FOXN4: variants seen among roughly 807,000 people sequenced by gnomAD.
FOXN4 encodes forkhead box protein N4.
A neutral mutation model predicts 45.0 loss-of-function variants in FOXN4; 12 were observed. The ratio of observed to expected loss-of-function variants is 0.27; its 90% CI spans 0.17 to 0.43. The LOEUF (loss-of-function observed/expected upper bound fraction) is 0.43. Ranked by LOEUF, FOXN4 falls within the 20% of genes least tolerant of loss-of-function variation. The pLI is 1.00. For synonymous variants in FOXN4, 297 were observed against 295.0 expected, an observed-to-expected ratio of 1.01 and a Z score of -0.07; for missense variants, 560 against 694.9, an observed-to-expected ratio of 0.81 and a Z score of 2.18.
At chr12:109,297,794 A>G (rs1300678775) in intron 2 of FOXN4, among the ~76,000 whole-genome samples, 4 of 152,094 alleles carry the variant, frequency 2.6e-5, no homozygotes, top group Non-Finnish European at 5.9e-5. Context: ...TATCTAGAAA[A>G]TCCTCGCAGT....
chr12:109,299,554 C>A (rs2047850418), intron 2 of FOXN4, among the ~76,000 whole-genome samples: 1 of 152,176 alleles, frequency 6.6e-6, no homozygotes, highest in African/African-American at 2.4e-5. Flanking sequence ...TTCAGCACCT[C>A]CCTCCTTAGG....
chr12:109,306,853 C>T (rs1053759647), intron 2 of FOXN4, among the ~76,000 whole-genome samples: 3 of 152,236 alleles, frequency 2.0e-5, no homozygotes, highest in Non-Finnish European at 4.4e-5. Flanking sequence ...CCTTACACTG[C>T]CACTAAATCA....
intron 2 of FOXN4, among the ~76,000 whole-genome samples, chr12:109,293,441 G>C (rs144415815): frequency 6.6e-6 from 1 of 152,162 alleles, no homozygotes; most frequent in Non-Finnish European, 1.5e-5. Context: ...CTGCCTTCTG[G>C]CTCATTGAGT....
intron 2 of FOXN4, among the ~76,000 whole-genome samples, chr12:109,294,726 C>T (rs1252718264): frequency 6.6e-6 from 1 of 152,034 alleles, no homozygotes; most frequent in African/African-American, 2.4e-5. Context: ...GGTCCAGGGG[C>T]TGATGCACTA....
chr12:109,306,041 C>T (rs559656251), intron 2 of FOXN4, among the ~76,000 whole-genome samples: 6 of 152,268 alleles, frequency 3.9e-5, no homozygotes, highest in Admixed American at 1.3e-4. Flanking sequence ...AAGGTCAAGA[C>T]TCCGGGGCTG....
At chr12:109,285,248 T>C in intron 8 of FOXN4, 56 bp downstream of exon 8, 1 of 1,219,240 alleles carries the variant, frequency 8.2e-7, no homozygotes, top group Non-Finnish European at 1.1e-6. Flanking sequence ...CTCTTCCGTG[T>C]GTGTGTGTGT....
At chr12:109,293,043 A>T (rs1022846480) in intron 2 of FOXN4, among the ~76,000 whole-genome samples, 1 of 151,266 alleles carries the variant, frequency 6.6e-6, no homozygotes. Flanking sequence ...GCTCACCTCC[A>T]CGCCTTTGCA....
At position 109,290,213 on chromosome 12, in the gene FOXN4, C is replaced by T. The variant is rs750024822; in HGVS notation, c.160G>A (p.Val54Met). The change falls in exon 3 of 10, where the codon GTG (valine) becomes ATG (methionine). Residue 54 changes from valine (V) to methionine (M), a missense_variant. Val to Met is a conservative substitution (Grantham distance 21). This residue lies in a region of FOXN4 where 142 missense variants were observed against 185.7 expected (regional missense o/e 0.76). Transcript: ENST00000299162. The surrounding 1 kb of genome is among the most constrained non-coding windows in gnomAD (Gnocchi z 5.1). ...CTTGCCATCTGCTGCAGCCGAGGCA[C>T]ATCCACCGCCGTGAGCCACGACAGC... ...QSLSWLTAVD[V>M]PRLQQMASGR... 7.1e-6 allele frequency: 11 copies of T among 1,551,320 alleles called. No homozygotes were observed. The Admixed American group carries it at 1.2e-4, about 17-fold the overall frequency.
intron 8 of FOXN4, among the ~76,000 whole-genome samples, chr12:109,282,467 G>C (rs2047662064): frequency 6.6e-6 from 1 of 151,972 alleles, no homozygotes; most frequent in South Asian, 2.1e-4. Context: ...AATGTCATCA[G>C]ATAATAACAC....
In FOXN4 at chr12:109,290,152, TG is replaced by T. The variant is rs926503116; in HGVS notation, c.220del (p.His74IlefsTer40). On this transcript the variant is annotated frameshift_variant, in exon 3 of 10. Transcript: ENST00000299162. LOFTEE classifies it high-confidence loss of function. This position sits in a 1 kb window ranked among gnomAD's most constrained non-coding sequence, Gnocchi z 5.1. ...GTCCCTGAGCCTACCTGGGTGTGGA[TG>T]TGGCACGCAGGGGCCACCCAGGTCC... is the stretch of plus-strand genomic sequence containing the variant. Reference protein sequence around the residue: ...RVDLGGPCVPHPHPGALAGVA... With the variant: ...RVDLGGPCVPXPHPGALAGVA... 6.5e-7 allele frequency: 1 copy of T among 1,548,286 alleles called. No individual in the cohort carries two copies. The highest frequency in any genetic ancestry group is 8.7e-7 in the Non-Finnish European group (1 of 1,145,176).
At position 109,287,781 on chromosome 12, in the gene FOXN4, C is replaced by A; in HGVS notation, c.468+63G>T. Reference sequence around the variant, plus strand: ...TGAGTAAACTGAGGCTCAGAGGGGTCCCCGGCCAGCCCAAGGCAGGGTGTC... The same window carrying A: ...TGAGTAAACTGAGGCTCAGAGGGGTACCCGGCCAGCCCAAGGCAGGGTGTC... On this transcript the variant is annotated intron_variant, in intron 5 of 9. Coordinates refer to ENST00000299162, the MANE Select transcript of FOXN4 (RefSeq NM_213596.3). This position sits in a 1 kb window ranked among gnomAD's most constrained non-coding sequence, Gnocchi z 4.1. 1 of 1,440,864 alleles carries A rather than the reference C, an allele frequency of 6.9e-7. No homozygotes were observed. The highest frequency in any genetic ancestry group is 1.4e-5 in the South Asian group (1 of 73,672). The allele number at this position is 1,440,864 out of a possible 1,614,324, so 89.3% of individuals were successfully genotyped here.
intron 2 of FOXN4, among the ~76,000 whole-genome samples, chr12:109,299,237 G>A (rs1263634664): frequency 6.6e-6 from 1 of 152,124 alleles, no homozygotes; most frequent in Non-Finnish European, 1.5e-5. Flanking sequence ...CGCCCCCAAG[G>A]ACGCTTCTTG....
intron 2 of FOXN4, among the ~76,000 whole-genome samples, chr12:109,296,505 G>T (rs1005532150): frequency 6.6e-6 from 1 of 152,164 alleles, no homozygotes; most frequent in Admixed American, 6.5e-5. Context: ...CCCAGGGAGC[G>T]CTCTAGTTGG....
Position 109,285,500 on chromosome 12 carries a change from G to A in FOXN4, c.705C>T (p.Asp235=), listed in dbSNP as rs762252668. Residue 235 remains aspartate (D), a synonymous_variant, in exon 8 of 10, where the codon GAC becomes GAT. Transcript: ENST00000299162. ...EHFPYFKTAP[D]GWKNSVRHNL... is the part of the protein sequence containing the mutation. ...TGTGCCGCACCGAGTTCTTCCACCC[G>A]TCGGGGGCCGTCTATGAAGACACAT... 35 of 1,613,860 alleles carry A rather than the reference G, an allele frequency of 2.2e-5. No individual in the cohort carries two copies. The highest frequency in any genetic ancestry group is 2.7e-5 in the Non-Finnish European group (32 of 1,179,930).
At position 109,287,569 on chromosome 12, in the gene FOXN4, A is replaced by T. The variant is rs2047725806; in HGVS notation, c.469-45T>A. 1.2e-5 allele frequency: 18 copies of T among 1,484,804 alleles called. No individual in the cohort carries two copies. The highest frequency in any genetic ancestry group is 1.5e-5 in the Non-Finnish European group (17 of 1,118,422). The allele number at this position is 1,484,804 out of a possible 1,614,324, so 92.0% of individuals were successfully genotyped here. A position where few individuals can be genotyped will look rare whatever the true frequency, so the allele number is the denominator to read the frequency against. On this transcript the variant is annotated intron_variant, in intron 5 of 9. Coordinates refer to ENST00000299162, the MANE Select transcript of FOXN4 (RefSeq NM_213596.3). This position sits in a 1 kb window ranked among gnomAD's most constrained non-coding sequence, Gnocchi z 4.1. The stretch of plus-strand genomic sequence containing the variant: ...GGGAGAAAGTGGCAGAGAAAGAGAG[A>T]AGGTGAGAAATAACATACGTCACTC...
chr12:109,292,721 C>T (rs113004158), intron 2 of FOXN4, among the ~76,000 whole-genome samples: 3 of 152,208 alleles, frequency 2.0e-5, no homozygotes, highest in Non-Finnish European at 2.9e-5. Flanking sequence ...GGGGTCACAC[C>T]GACATGCCCC....
At chr12:109,286,605 G>A in intron 7 of FOXN4, 43 bp downstream of exon 7, 2 of 1,563,038 alleles carry the variant, frequency 1.3e-6, no homozygotes, top group Non-Finnish European at 1.7e-6. Flanking sequence ...ACCAGGAAGA[G>A]ACCAGGGCAG....
chr12:109,285,244 C>CGT (rs56261774), intron 8 of FOXN4, 60 bp downstream of exon 8: 25,908 of 1,348,116 alleles, frequency 0.019, 198 homozygotes, highest in East Asian at 0.15. Context: ...CTTCCTCTTC[C>CGT]GTGTGTGTGT....
chr12:109,299,274 T>C (rs11066170), intron 2 of FOXN4, among the ~76,000 whole-genome samples: 12,816 of 152,190 alleles, frequency 0.084, 699 homozygotes, highest in African/African-American at 0.15. Context: ...CTTTTGCAGG[T>C]GCATATTTTT....
Sources: allele counts gnomAD v4.1 joint callset (sites outside exome capture counted in the v4.1 genomes callset), GRCh38; gene constraint gnomAD v4.1.1; regional missense constraint gnomAD v4.1.1; non-coding constraint Gnocchi (gnomAD v3.1); transcripts MANE v1.5; gene names NCBI Gene and HGNC (gene_info 2026-07-23, HGNC 2026-07-21).